PCSK5: variants seen among roughly 807,000 people sequenced by gnomAD.
PCSK5 encodes proprotein convertase subtilisin/kexin type 5.
In PCSK5, 129 loss-of-function variants were observed where a neutral mutation model predicts 233.2. That is an observed-to-expected ratio of 0.55 (90% CI 0.48 to 0.64). The LOEUF is 0.64. Ranked by LOEUF, PCSK5 falls within the 30% of genes least tolerant of loss-of-function variation. PCSK5 has a pLI of 0.00. For synonymous variants in PCSK5, 825 were observed against 879.2 expected (o/e 0.94, Z 1.09); for missense variants, 2,076 against 2,430.1 (o/e 0.85, Z 3.06).
chr9:76,292,593 G>A (rs922961633), intron 25 of PCSK5, among the ~76,000 whole-genome samples: 20 of 152,246 alleles, frequency 1.3e-4, no homozygotes, highest in Admixed American at 2.6e-4. Context: ...TCCTAAGTAA[G>A]CTGTTTGCAA....
At chr9:76,295,908 CTTGAGTGT>C (rs1159544558) in intron 26 of PCSK5, among the ~76,000 whole-genome samples, 1 of 152,206 alleles carries the variant, frequency 6.6e-6, no homozygotes, top group Non-Finnish European at 1.5e-5. Flanking sequence ...GCCCAATGCA[CTTGAGTGT>C]TTGGGGGAGA....
chr9:76,273,806 A>AT (rs574763742), intron 24 of PCSK5, among the ~76,000 whole-genome samples: 8 of 142,646 alleles, frequency 5.6e-5, no homozygotes, highest in African/African-American at 1.0e-4. Flanking sequence ...CTAATTTTTA[A>AT]TTTTTTTTTT....
intron 19 of PCSK5, 70 bp from the exon 20 acceptor site, chr9:76,189,561 G>T: frequency 1.1e-6 from 1 of 899,224 alleles, no homozygotes; most frequent in South Asian, 1.4e-5. Flanking sequence ...GACATTATGA[G>T]GTTGCTAGTA....
intron 1 of PCSK5, among the ~76,000 whole-genome samples, chr9:75,924,822 T>C (rs1823408496): frequency 6.6e-6 from 1 of 152,176 alleles, no homozygotes; most frequent in South Asian, 2.1e-4. Flanking sequence ...GAACATCTTT[T>C]AGAGTAGTTA....
chr9:76,270,498 C>T (rs73462434), intron 24 of PCSK5, among the ~76,000 whole-genome samples: 1,988 of 152,296 alleles, frequency 0.013, 38 homozygotes, highest in African/African-American at 0.044. Context: ...CCAGGCAGTT[C>T]AGCCTTGGCA....
intron 2 of PCSK5, among the ~76,000 whole-genome samples, chr9:75,941,051 T>A (rs1384239817): frequency 6.6e-6 from 1 of 152,224 alleles, no homozygotes; most frequent in Non-Finnish European, 1.5e-5. Context: ...TAGCGTAGCT[T>A]CAAAGTGAGT....
At chr9:76,010,418 T>C (rs1827682061) in intron 3 of PCSK5, among the ~76,000 whole-genome samples, 1 of 152,186 alleles carries the variant, frequency 6.6e-6, no homozygotes, top group African/African-American at 2.4e-5. Context: ...GGAAGTTCTG[T>C]TTTTTGTTTG....
chr9:76,048,116 G>C (rs1159895540), intron 5 of PCSK5, among the ~76,000 whole-genome samples: 1 of 152,118 alleles, frequency 6.6e-6, no homozygotes, highest in African/African-American at 2.4e-5. Flanking sequence ...ACATGGCTTT[G>C]AGTGTGATGG....
At chr9:75,929,910 T>C (rs1220236141) in intron 1 of PCSK5, among the ~76,000 whole-genome samples, 2 of 151,204 alleles carry the variant, frequency 1.3e-5, no homozygotes, top group Non-Finnish European at 2.9e-5. Flanking sequence ...TTGCCCAGGC[T>C]GGAGTACAGT....
intron 1 of PCSK5, among the ~76,000 whole-genome samples, chr9:75,901,055 A>G (rs1826008866): frequency 6.6e-6 from 1 of 152,162 alleles, no homozygotes; most frequent in Admixed American, 6.5e-5. Context: ...AAGAGGAAGG[A>G]AGGGCGAGTG....
At chr9:75,927,927 T>C (rs970087102) in intron 1 of PCSK5, among the ~76,000 whole-genome samples, 1 of 152,364 alleles carries the variant, frequency 6.6e-6, no homozygotes, top group South Asian at 2.1e-4. Context: ...CAGTCATTTA[T>C]TAGTATAAAA....
Position 76,350,813 on chromosome 9 carries a change from T to C in PCSK5, c.4967-15T>C, listed in dbSNP as rs753554872. The C allele has an allele frequency of 6.8e-7, 1 of 1,472,386 alleles. No individual in the cohort carries two copies. Among genetic ancestry groups the C allele is most frequent in the African/African-American group, 1.4e-5 (1 of 72,138 alleles). 91.2% of individuals were successfully genotyped at this position (1,472,386 alleles called of 1,614,324 possible). A position where few individuals can be genotyped will look rare whatever the true frequency, so the allele number is the denominator to read the frequency against. On this transcript the variant is annotated splice_polypyrimidine_tract_variant and intron_variant, in intron 35 of 37. Coordinates refer to ENST00000674117, the MANE Select transcript of PCSK5 (RefSeq NM_001372043.1). ...CTAAGGTCAATCTCATAACTTAGAA[T>C]GTTTTCTCTTTCAGGAAAAGGAGCG... is the stretch of plus-strand genomic sequence containing the variant.
chr9:76,124,201 G>A (rs1244808302), intron 9 of PCSK5, among the ~76,000 whole-genome samples: 1 of 152,132 alleles, frequency 6.6e-6, no homozygotes, highest in Non-Finnish European at 1.5e-5. Context: ...TTTGAGAAAG[G>A]AAGTGAACCT....
chr9:76,233,487 G>C lies in PCSK5; in HGVS notation c.2757G>C (p.Ser919=), dbSNP rs181553271. 2 of 1,612,674 alleles carry C rather than the reference G, an allele frequency of 1.2e-6. No individual in the cohort carries two copies. Among genetic ancestry groups the C allele is most frequent in the South Asian group, 1.1e-5 (1 of 91,070 alleles). ...TRIFDDGRCV[S]NCPSWKFEFE... Reference sequence around the variant, plus strand: ...TTTTTGATGATGGCCGCTGTGTTTCGAACTGCCCCTCATGGAAATTTGAAT... The same window carrying C: ...TTTTTGATGATGGCCGCTGTGTTTCCAACTGCCCCTCATGGAAATTTGAAT... Residue 919 remains serine, a synonymous_variant, in exon 22 of 38, where the codon TCG becomes TCC. Transcript: ENST00000674117.
At chr9:76,148,372 CCT>C (rs1823538087) in intron 10 of PCSK5, among the ~76,000 whole-genome samples, 2 of 105,636 alleles carry the variant, frequency 1.9e-5, no homozygotes, top group African/African-American at 3.7e-5. Flanking sequence ...CCTCTCTCTC[CCT>C]CTCTCCTTTC....
intron 5 of PCSK5, among the ~76,000 whole-genome samples, chr9:76,054,827 G>T (rs1181086687): frequency 6.6e-6 from 1 of 151,954 alleles, no homozygotes; most frequent in African/African-American, 2.4e-5. Context: ...GATTTCACTG[G>T]TTTTGACATG....
chr9:75,986,105 A>G (rs1826502569), intron 2 of PCSK5, 27 bp from the exon 3 acceptor site: 2 of 1,295,896 alleles, frequency 1.5e-6, no homozygotes, highest in African/African-American at 1.5e-5. Flanking sequence ...TGGAACGTGA[A>G]TACTCACCAA....
At chr9:76,187,558 T>C (rs7872680) in intron 17 of PCSK5, among the ~76,000 whole-genome samples, 22,879 of 152,014 alleles carry the variant, frequency 0.15, 1,762 homozygotes, top group Middle Eastern at 0.24. Context: ...AGATGGCGTC[T>C]GACTGTGTTG....
At position 76,321,521 on chromosome 9, in the gene PCSK5, C is replaced by T. The variant is rs750134454; in HGVS notation, c.3984C>T (p.His1328=). The T allele has an allele frequency of 2.9e-5, 47 of 1,611,796 alleles. No homozygotes were observed. The highest frequency in any genetic ancestry group is 1.0e-4 in the Admixed American group (6 of 60,006). ...ACTGCCATTCTTGTGAAGGAGGCCA[C>T]GTCCTGCACCACGGAGTGTGCCAGG... is the stretch of plus-strand genomic sequence containing the variant. ...ATNCHSCEGG[H]VLHHGVCQEN... is the part of the protein sequence containing the mutation. Residue 1328 remains histidine (H), a synonymous_variant, in exon 31 of 38, where the codon CAC becomes CAT. Coordinates refer to ENST00000674117, the MANE Select transcript of PCSK5 (RefSeq NM_001372043.1).
Sources: allele counts gnomAD v4.1 joint callset (sites outside exome capture counted in the v4.1 genomes callset), GRCh38; gene constraint gnomAD v4.1.1; transcripts MANE v1.5; gene names NCBI Gene and HGNC (gene_info 2026-07-23, HGNC 2026-07-21).